The following STAU1 variants were observed in gnomAD, a reference collection of about 807,000 sequenced individuals.
STAU1 encodes staufen double-stranded RNA binding protein 1, also known as double-stranded RNA-binding protein Staufen homolog 1.
STAU1 carries 13 observed loss-of-function variants against 62.9 expected under a neutral mutation model. The ratio of observed to expected loss-of-function variants is 0.21; its 90% CI spans 0.13 to 0.33. The LOEUF is 0.33. Ranked by LOEUF, STAU1 falls within the 10% of genes least tolerant of loss-of-function variation. The pLI is 1.00. For synonymous variants in STAU1, 269 were observed against 265.1 expected, an observed-to-expected ratio of 1.01 and a Z score of -0.14; for missense variants, 571 against 712.1, an observed-to-expected ratio of 0.80 and a Z score of 2.25.
the STAU1 span, among the ~76,000 whole-genome samples, chr20:49,200,261 C>T: frequency 6.6e-6 from 1 of 152,046 alleles, no homozygotes; most frequent in Non-Finnish European, 1.5e-5. Context: ...ACTGGATAAA[C>T]AAACTGGTAC....
intron 2 of STAU1, among the ~76,000 whole-genome samples, chr20:49,172,995 C>CG (rs928586259): frequency 4.0e-5 from 6 of 151,396 alleles, no homozygotes; most frequent in Admixed American, 2.0e-4. Flanking sequence ...CTCCCGCCCC[C>CG]CAACACCTGG....
intron 5 of STAU1, among the ~76,000 whole-genome samples, chr20:49,141,712 T>C (rs1600705127): frequency 6.6e-6 from 1 of 152,162 alleles, no homozygotes; most frequent in East Asian, 1.9e-4. Flanking sequence ...CTGGCCAACA[T>C]GACGAAACCC....
At chr20:49,211,689 G>A in the STAU1 span, among the ~76,000 whole-genome samples, 1 of 151,864 alleles carries the variant, frequency 6.6e-6, no homozygotes, top group Non-Finnish European at 1.5e-5. Context: ...TGTATTTTTA[G>A]TAGAGACGGG....
chr20:49,118,579 C>G (rs1210835757), intron 9 of STAU1, among the ~76,000 whole-genome samples, 171 bp from the exon 10 acceptor site: 1 of 152,218 alleles, frequency 6.6e-6, no homozygotes, highest in Non-Finnish European at 1.5e-5. Flanking sequence ...CTGGGCAGAG[C>G]CTGCCTCCTT....
intron 3 of STAU1, among the ~76,000 whole-genome samples, chr20:49,162,505 T>C (rs2093464133): frequency 6.6e-6 from 1 of 152,204 alleles, no homozygotes; most frequent in Non-Finnish European, 1.5e-5. Flanking sequence ...CCAGACATGG[T>C]GGCTCACGCC....
At chr20:49,182,736 G>A (rs371409849) in intron 1 of STAU1, among the ~76,000 whole-genome samples, 1 of 151,928 alleles carries the variant, frequency 6.6e-6, no homozygotes, top group Admixed American at 6.6e-5. Flanking sequence ...CTACTCGAGA[G>A]GCTGAGGCAG....
At position 49,117,161 on chromosome 20, in the gene STAU1, C is replaced by T; in HGVS notation, c.1597G>A (p.Gly533Ser). 1 of 1,614,152 alleles carries T rather than the reference C, an allele frequency of 6.2e-7. No homozygotes were observed. The highest frequency in any genetic ancestry group is 8.5e-7 in the Non-Finnish European group (1 of 1,180,040). ...CSSQPPLISH[G>S]IGKDVESCHD... The stretch of plus-strand genomic sequence containing the variant: ...CAGGACTCCACATCCTTGCCGATAC[C>T]ATGGCTGATCAGAGGTGGCTGAGAG... The change falls in exon 12 of 14, where the codon GGT becomes AGT. Residue 533 changes from glycine (G) to serine (S), a missense_variant. Transcript: ENST00000371856. This position sits in a 1 kb window ranked among gnomAD's most constrained non-coding sequence, Gnocchi z 4.6.
chr20:49,156,324 G>A (rs369126085), intron 3 of STAU1, among the ~76,000 whole-genome samples: 3 of 152,128 alleles, frequency 2.0e-5, no homozygotes, highest in Non-Finnish European at 2.9e-5. Context: ...ATTGTCAGGC[G>A]TTAAGGCATC....
In STAU1 at chr20:49,183,885, A is replaced by G. The variant is rs2093755759; in HGVS notation, c.-160+4231T>C. On this transcript the variant is annotated intron_variant, in intron 1 of 13. Coordinates refer to ENST00000371856, the MANE Select transcript of STAU1 (RefSeq NM_017453.4). ...ATCACCAAACTTTTAAATAAAGACC[A>G]AACACTTCGAATATTAAACACTGAA... is the stretch of plus-strand genomic sequence containing the variant. Among the ~76,000 whole-genome samples, 7 of 152,144 alleles carry G rather than the reference A, an allele frequency of 4.6e-5. No homozygotes were observed. The South Asian group carries it at 1.4e-3, about 31-fold the overall frequency.
chr20:49,203,510 A>G, the STAU1 span, among the ~76,000 whole-genome samples: 1 of 152,208 alleles, frequency 6.6e-6, no homozygotes, highest in Non-Finnish European at 1.5e-5. Context: ...ACATACATAT[A>G]TGCTTTGTAA....
At chr20:49,199,090 A>G in the STAU1 span, among the ~76,000 whole-genome samples, 3 of 149,660 alleles carry the variant, frequency 2.0e-5, no homozygotes, top group Admixed American at 6.7e-5. Flanking sequence ...AGGTTGCAGT[A>G]AGCCGAGATC....
At chr20:49,115,504 T>C (rs978310385) in intron 13 of STAU1, among the ~76,000 whole-genome samples, 3 of 152,156 alleles carry the variant, frequency 2.0e-5, no homozygotes, top group Non-Finnish European at 1.5e-5. Context: ...TTTCACCATC[T>C]TGGCCAGGCT....
At chr20:49,217,676 A>AATATATATATATATAT in the STAU1 span, among the ~76,000 whole-genome samples, 4 of 135,910 alleles carry the variant, frequency 2.9e-5, no homozygotes, top group Non-Finnish European at 6.3e-5. Flanking sequence ...TTCCTTTTAA[A>AATATATATATATATAT]ATATATATAT....
At chr20:49,157,358 G>A (rs573366199) in intron 3 of STAU1, among the ~76,000 whole-genome samples, 1 of 152,016 alleles carries the variant, frequency 6.6e-6, no homozygotes, top group Non-Finnish European at 1.5e-5. Context: ...TTGCTCTGCT[G>A]TCCAGGCTGG....
At chr20:49,149,431 G>T (rs966070093) in intron 5 of STAU1, among the ~76,000 whole-genome samples, 1 of 152,082 alleles carries the variant, frequency 6.6e-6, no homozygotes, top group Admixed American at 6.6e-5. Flanking sequence ...GTTGGGCCTA[G>T]AATTTATTTT....
intron 12 of STAU1, 98 bp from the exon 13 acceptor site, chr20:49,115,965 A>G: frequency 1.1e-6 from 1 of 935,322 alleles, no homozygotes. Context: ...GCTGCCCAGC[A>G]AACAGGTGGC....
chr20:49,174,470 A>C (rs1237315240), intron 1 of STAU1, among the ~76,000 whole-genome samples: 1 of 152,180 alleles, frequency 6.6e-6, no homozygotes, highest in Non-Finnish European at 1.5e-5. Flanking sequence ...CTGTAATCCC[A>C]ACACTTTGGG....
chr20:49,182,662 C>A (rs192472436), intron 1 of STAU1, among the ~76,000 whole-genome samples: 1,965 of 152,204 alleles, frequency 0.013, 20 homozygotes, highest in Middle Eastern at 0.041. Flanking sequence ...CACGGTGAAA[C>A]CCCATCTCTA....
At chr20:49,129,873 C>G (rs1327556229) in intron 6 of STAU1, among the ~76,000 whole-genome samples, 2 of 152,080 alleles carry the variant, frequency 1.3e-5, no homozygotes, top group African/African-American at 2.4e-5. Context: ...AGTGATCCGC[C>G]CACCTTGGTT....
Sources: allele counts gnomAD v4.1 joint callset (sites outside exome capture counted in the v4.1 genomes callset), GRCh38; gene constraint gnomAD v4.1.1; non-coding constraint Gnocchi (gnomAD v3.1); transcripts MANE v1.5; gene names NCBI Gene and HGNC (gene_info 2026-07-23, HGNC 2026-07-21).